The following CDCA4 variants were observed in gnomAD, a reference collection of about 807,000 sequenced individuals.
The protein encoded by CDCA4 is cell division cycle associated 4.
For missense variants in CDCA4, 294 were observed against 322.1 expected (o/e 0.91, Z 0.67); for synonymous variants, 130 against 137.0 (o/e 0.95, Z 0.36).
At chr14:105,015,198 C>T (rs1178200485) in intron 1 of CDCA4, among the ~76,000 whole-genome samples, 1 of 152,176 alleles carries the variant, frequency 6.6e-6, no homozygotes, top group East Asian at 1.9e-4. Context: ...CAGACCCTCC[C>T]GCCCTTTTCT....
chr14:105,015,345 C>G (rs1900617563), intron 1 of CDCA4, among the ~76,000 whole-genome samples: 1 of 44,960 alleles, frequency 2.2e-5, no homozygotes, highest in African/African-American at 4.2e-5. Context: ...CTAATAACAT[C>G]TGCTCTGAGC....
chr14:105,012,054 G>T, intron 1 of CDCA4, 119 bp from the exon 2 acceptor site: 1 of 1,199,188 alleles, frequency 8.3e-7, no homozygotes, highest in Non-Finnish European at 1.2e-6. Flanking sequence ...GTAACTGGCA[G>T]GGACTTGACA....
At position 105,011,484 on chromosome 14, in the gene CDCA4, T is replaced by C. The variant is rs187183097; in HGVS notation, c.446A>G (p.Asp149Gly). 6.2e-7 allele frequency: 1 copy of C among 1,614,216 alleles called. No homozygotes were observed. Among genetic ancestry groups the C allele is most frequent in the African/African-American group, 1.3e-5 (1 of 75,064 alleles). ...RHLQSSAWEM[D>G]GPRENRGSFH... The stretch of plus-strand genomic sequence containing the variant: ...GCTTCCTCTGTTTTCTCGAGGGCCA[T>C]CCATCTCCCAGGCGCTGCTCTGCAG... The change falls in exon 2 of 2, where the codon GAT (aspartate) becomes GGT (glycine). Residue 149 changes from aspartate to glycine, a missense_variant. Transcript: ENST00000336219.
At chr14:105,015,255 A>G (rs1455870699) in intron 1 of CDCA4, among the ~76,000 whole-genome samples, 1 of 152,210 alleles carries the variant, frequency 6.6e-6, no homozygotes, top group African/African-American at 2.4e-5. Context: ...GGATCTTAAG[A>G]GGATGAATTC....
At chr14:105,017,481 C>G (rs1384959288) in intron 1 of CDCA4, among the ~76,000 whole-genome samples, 1 of 152,050 alleles carries the variant, frequency 6.6e-6, no homozygotes, top group Non-Finnish European at 1.5e-5. Context: ...ACCTCGGCCT[C>G]CCAAAGTGCT....
At chr14:105,012,040 C>G in intron 1 of CDCA4, 105 bp from the exon 2 acceptor site, 1 of 1,329,274 alleles carries the variant, frequency 7.5e-7, no homozygotes, top group Non-Finnish European at 1.0e-6. Context: ...GGAGCAGCGA[C>G]TCCGTAACTG....
intron 1 of CDCA4, among the ~76,000 whole-genome samples, chr14:105,015,950 G>A (rs559116967): frequency 2.6e-5 from 4 of 152,094 alleles, no homozygotes; most frequent in Non-Finnish European, 4.4e-5. Context: ...GTCAGCCACC[G>A]TGCCAGGCCA....
intron 1 of CDCA4, among the ~76,000 whole-genome samples, chr14:105,020,578 C>T (rs2140913184): frequency 6.6e-6 from 1 of 152,338 alleles, no homozygotes; most frequent in South Asian, 2.1e-4. Context: ...CTCTCCGCGG[C>T]CGGGCTCCGA....
At chr14:105,015,089 A>C (rs1192841186) in intron 1 of CDCA4, among the ~76,000 whole-genome samples, 1 of 152,218 alleles carries the variant, frequency 6.6e-6, no homozygotes, top group African/African-American at 2.4e-5. Flanking sequence ...ACTGGGAACC[A>C]GTTCAAGAAG....
At chr14:105,019,268 T>C (rs889272208) in intron 1 of CDCA4, among the ~76,000 whole-genome samples, 28 of 151,936 alleles carry the variant, frequency 1.8e-4, no homozygotes, top group South Asian at 2.1e-4. Context: ...CAGAGCAACC[T>C]AGGCCCACCG....
intron 1 of CDCA4, among the ~76,000 whole-genome samples, chr14:105,019,864 C>T (rs929501401): frequency 5.3e-5 from 8 of 152,210 alleles, no homozygotes; most frequent in Non-Finnish European, 1.0e-4. Flanking sequence ...CAGGCATGCG[C>T]CATCACGCCC....
rs45618437 is a variant in CDCA4, at chr14:105,011,948, A to G, written c.-6-13T>C. ...CAAACATTGTGTCCTGCAGAAACCA[A>G]GGAAGACACCACTTAGCACACGGCA... On this transcript the variant is annotated splice_polypyrimidine_tract_variant and intron_variant, in intron 1 of 1. Coordinates refer to ENST00000336219, the MANE Select transcript of CDCA4 (RefSeq NM_017955.4). 3,905 of 1,588,582 alleles carry G rather than the reference A, an allele frequency of 2.5e-3. 6 individuals carry two copies. The highest frequency in any genetic ancestry group is 2.9e-3 in the Non-Finnish European group (3,439 of 1,165,898).
rs754107333 is a variant in CDCA4, at chr14:105,011,282, G to A, written c.648C>T (p.Ala216=). Residue 216 remains alanine, a synonymous_variant, in exon 2 of 2, where the codon GCC becomes GCT. Coordinates refer to ENST00000336219, the MANE Select transcript of CDCA4 (RefSeq NM_017955.4). The part of the protein sequence containing the change: ...PCEGLEGLAP[A]TPGPSSSCKS... The stretch of plus-strand genomic sequence containing the variant: ...TGCAGCTGGAGCTAGGGCCTGGGGT[G>A]GCCGGAGCCAAGCCCTCGAGCCCTT... 3.7e-6 allele frequency: 6 copies of A among 1,613,732 alleles called. No individual in the cohort carries two copies. Among genetic ancestry groups the A allele is most frequent in the Admixed American group, 1.7e-5 (1 of 59,998 alleles).
In CDCA4 at chr14:105,011,429, T is replaced by G; in HGVS notation, c.501A>C (p.Glu167Asp). 1 of 1,614,222 alleles carries G rather than the reference T, an allele frequency of 6.2e-7. No homozygotes were observed. The highest frequency in any genetic ancestry group is 8.5e-7 in the Non-Finnish European group (1 of 1,180,028). ...SFHKSLDQIFETLETKNPSCM... is the reference protein window; with the variant it reads ...SFHKSLDQIFDTLETKNPSCM... ...AGCTGGGGTTTTTAGTCTCCAGCGT[T>G]TCAAATATCTGATCAAGTGACTTGT... Residue 167 changes from glutamate to aspartate, a missense_variant, in exon 2 of 2, where the codon GAA becomes GAC. Physicochemically the swap from Glu to Asp is conservative, Grantham distance 45. Coordinates refer to ENST00000336219, the MANE Select transcript of CDCA4 (RefSeq NM_017955.4).
At chr14:105,012,276 G>C (rs1422628258) in intron 1 of CDCA4, among the ~76,000 whole-genome samples, 1 of 152,280 alleles carries the variant, frequency 6.6e-6, no homozygotes, top group African/African-American at 2.4e-5. Flanking sequence ...TCGAGAGCTT[G>C]GCTGAAAATC....
At chr14:105,015,918 C>T (rs1429267391) in intron 1 of CDCA4, among the ~76,000 whole-genome samples, 2 of 152,064 alleles carry the variant, frequency 1.3e-5, no homozygotes, top group Non-Finnish European at 2.9e-5. Context: ...CCTTGGCCTC[C>T]CAAAGTGCTG....
intron 1 of CDCA4, among the ~76,000 whole-genome samples, chr14:105,013,308 G>A (rs1900555476): frequency 6.6e-6 from 1 of 152,116 alleles, no homozygotes; most frequent in Non-Finnish European, 1.5e-5. Flanking sequence ...TTCTGAGCCA[G>A]TGCCGCCTGC....
chr14:105,019,988 G>A (rs1020847892), intron 1 of CDCA4, among the ~76,000 whole-genome samples: 4 of 152,220 alleles, frequency 2.6e-5, no homozygotes, highest in Non-Finnish European at 4.4e-5. Flanking sequence ...AGTGCTGGGA[G>A]GTGTGAGCTA....
At chr14:105,012,976 T>C (rs1027551404) in intron 1 of CDCA4, among the ~76,000 whole-genome samples, 1 of 152,186 alleles carries the variant, frequency 6.6e-6, no homozygotes, top group Non-Finnish European at 1.5e-5. Context: ...CAGTGTGTTG[T>C]GGCAGCCCAG....
Sources: gnomAD v4.1 joint callset for allele counts (sites outside exome capture counted in the v4.1 genomes callset) on GRCh38, gnomAD v4.1.1 for gene constraint, MANE v1.5 for transcripts, NCBI Gene and HGNC (gene_info 2026-07-23, HGNC 2026-07-21) for gene names.